The following TBC1D12 variants were observed in gnomAD, a reference collection of about 807,000 sequenced individuals.
TBC1D12 encodes the protein TBC1 domain family, member 12.
Under a neutral mutation model 86.7 loss-of-function variants are expected in TBC1D12, and 56 were observed. The observed-to-expected ratio is 0.65, with a 90% CI of 0.52 to 0.81. TBC1D12 has a LOEUF of 0.81. Ranked by LOEUF, TBC1D12 falls within the 30% of genes least tolerant of loss-of-function variation. The pLI, the probability that TBC1D12 is intolerant of heterozygous loss-of-function variation, is 0.00. For synonymous variants in TBC1D12, 421 were observed against 411.7 expected (o/e 1.02, Z -0.27); for missense variants, 1,023 against 1,038.8 (o/e 0.98, Z 0.21).
chr10:94,466,534 A>G (rs1477712974), intron 2 of TBC1D12, among the ~76,000 whole-genome samples: 2 of 152,092 alleles, frequency 1.3e-5, no homozygotes, highest in Admixed American at 6.6e-5. Flanking sequence ...CTTACTTTCA[A>G]TTGCTTTCCT....
At chr10:94,440,735 C>A (rs919752747) in intron 1 of TBC1D12, among the ~76,000 whole-genome samples, 1 of 151,930 alleles carries the variant, frequency 6.6e-6, no homozygotes, top group African/African-American at 2.4e-5. Flanking sequence ...TTCATCAGTA[C>A]CTTCCTAATT....
At chr10:94,475,564 G>A (rs575003497) in intron 3 of TBC1D12, among the ~76,000 whole-genome samples, 6 of 151,846 alleles carry the variant, frequency 4.0e-5, no homozygotes, top group South Asian at 2.1e-4. Context: ...CTGAGTAGCT[G>A]GGATTACAGA....
In TBC1D12 at chr10:94,498,854, G is replaced by A. The variant is rs542984012; in HGVS notation, c.1413-1367G>A. Reference sequence around the variant, plus strand: ...CGAGATCAAGGCTCACCGCAACCCCGACCTCCCTGGGCTCAGGTGATCCTC... The same window carrying A: ...CGAGATCAAGGCTCACCGCAACCCCAACCTCCCTGGGCTCAGGTGATCCTC... On this transcript the variant is annotated intron_variant, in intron 5 of 12. Coordinates refer to ENST00000225235, the MANE Select transcript of TBC1D12 (RefSeq NM_015188.2). 4.9e-4 allele frequency among the ~76,000 whole-genome samples: 74 copies of A among 151,368 alleles called. 1 individual carries two copies. The highest frequency in any genetic ancestry group is 1.6e-3 in the African/African-American group (65 of 41,240).
chr10:94,493,230 G>A, intron 3 of TBC1D12, 135 bp from the exon 4 acceptor site: 1 of 687,722 alleles, frequency 1.5e-6, no homozygotes, highest in South Asian at 1.8e-5. Flanking sequence ...GTTCTTTTCA[G>A]CCTTTCACTT....
At position 94,525,106 on chromosome 10, in the gene TBC1D12, T is replaced by C. The variant is rs144299399; in HGVS notation, c.2000+2653T>C. Among the ~76,000 whole-genome samples the C allele has an allele frequency of 1.3e-3, 203 of 152,290 alleles. 2 individuals are homozygous for C. Among genetic ancestry groups the C allele is most frequent in the African/African-American group, 4.6e-3 (191 of 41,572 alleles). On this transcript the variant is annotated intron_variant, in intron 11 of 12. Transcript: ENST00000225235. ...CCAGTTCCAGAAACCATATTCTTTA[T>C]AAAGTTAACTACAACATGACCAACA...
In TBC1D12 at chr10:94,447,068, A is replaced by AC. The variant is rs1019299458; in HGVS notation, c.1095+5049_1095+5050insC. ...AGCCTGAGCTGTTTCAAAAAAAAAAAAAAAAAAACCTTTTTTATGTATTAT... is the reference window on the plus strand; with the variant it reads ...AGCCTGAGCTGTTTCAAAAAAAAAAACAAAAAAAACCTTTTTTATGTATTAT... On this transcript the variant is annotated intron_variant, in intron 2 of 12. Transcript: ENST00000225235. 5.9e-5 allele frequency among the ~76,000 whole-genome samples: 9 copies of AC among 151,950 alleles called. No homozygotes were observed. The East Asian group carries it at 1.2e-3, about 20-fold the overall frequency.
At chr10:94,523,470 A>G (rs1281841414) in intron 11 of TBC1D12, among the ~76,000 whole-genome samples, 1 of 152,050 alleles carries the variant, frequency 6.6e-6, no homozygotes, top group Non-Finnish European at 1.5e-5. Context: ...TTTTTATTTC[A>G]AGGTTTTATC....
chr10:94,457,355 A>C (rs1245506731), intron 2 of TBC1D12, among the ~76,000 whole-genome samples: 1 of 152,104 alleles, frequency 6.6e-6, no homozygotes, highest in East Asian at 1.9e-4. Flanking sequence ...TGTAGGCAAC[A>C]CATGGCTGGG....
intron 2 of TBC1D12, among the ~76,000 whole-genome samples, chr10:94,464,849 G>T (rs2055783342): frequency 1.3e-5 from 2 of 152,150 alleles, no homozygotes; most frequent in South Asian, 4.1e-4. Flanking sequence ...AACAAGTAGT[G>T]GGGAGAGTGG....
chr10:94,490,173 A>AC (rs1300404678), intron 3 of TBC1D12, among the ~76,000 whole-genome samples: 3 of 151,944 alleles, frequency 2.0e-5, no homozygotes, highest in Non-Finnish European at 4.4e-5. Flanking sequence ...ATTGCTTGAA[A>AC]CCAACTGGGA....
chr10:94,403,162 C>A lies in TBC1D12; in HGVS notation c.549C>A (p.Asp183Glu). Residue 183 changes from aspartate (D) to glutamate (E), a missense_variant, in exon 1 of 13, where the codon GAC becomes GAA. Asp to Glu is a conservative substitution (Grantham distance 45). Around this residue, in one of 2 missense-constraint regions of TBC1D12, gnomAD observed 628 missense variants for 531.1 expected, o/e 1.18. Transcript: ENST00000225235. ...RLEGPGDEDA[D>E]GAGSPSDWAS... ...AGGGGCCTGGCGACGAGGACGCGGA[C>A]GGCGCGGGAAGCCCGTCCGATTGGG... 6.9e-7 allele frequency: 1 copy of A among 1,441,372 alleles called. No homozygotes were observed. Among genetic ancestry groups the A allele is most frequent in the Non-Finnish European group, 9.1e-7 (1 of 1,102,746 alleles). The allele number at this position is 1,441,372 out of a possible 1,614,324, so 89.3% of individuals were successfully genotyped here.
intron 2 of TBC1D12, among the ~76,000 whole-genome samples, chr10:94,452,325 C>A (rs1446368323): frequency 6.6e-6 from 1 of 152,028 alleles, no homozygotes; most frequent in Non-Finnish European, 1.5e-5. Flanking sequence ...CAGTATCATT[C>A]ATTCCCAGTG....
intron 1 of TBC1D12, among the ~76,000 whole-genome samples, chr10:94,420,262 A>T (rs1481935505): frequency 1.3e-5 from 2 of 151,872 alleles, no homozygotes; most frequent in Non-Finnish European, 2.9e-5. Context: ...AACAGAAGAG[A>T]CTCCTCACCA....
intron 3 of TBC1D12, among the ~76,000 whole-genome samples, chr10:94,477,721 C>T (rs892790593): frequency 5.3e-5 from 8 of 152,102 alleles, no homozygotes; most frequent in Admixed American, 2.0e-4. Context: ...GCCACTACTT[C>T]GACTATGAGG....
At chr10:94,456,649 T>C (rs1365546279) in intron 2 of TBC1D12, among the ~76,000 whole-genome samples, 1 of 152,218 alleles carries the variant, frequency 6.6e-6, no homozygotes, top group Non-Finnish European at 1.5e-5. Flanking sequence ...TCTGCTGTTG[T>C]TGGATGCGGT....
intron 9 of TBC1D12, among the ~76,000 whole-genome samples, chr10:94,511,968 G>A (rs2056533554): frequency 6.6e-6 from 1 of 152,146 alleles, no homozygotes; most frequent in South Asian, 2.1e-4. Context: ...TGCCTCTAGA[G>A]AGTAAACCTC....
intron 2 of TBC1D12, among the ~76,000 whole-genome samples, chr10:94,473,749 A>G (rs781134183): frequency 8.5e-5 from 13 of 152,274 alleles, no homozygotes; most frequent in Non-Finnish European, 1.8e-4. Flanking sequence ...CAAGCTGGTA[A>G]ATTTGGTATT....
chr10:94,414,298 GAAGGAAGTATAGTACGAGAAACTATT>G (rs2054968647), intron 1 of TBC1D12, among the ~76,000 whole-genome samples: 1 of 152,142 alleles, frequency 6.6e-6, no homozygotes, highest in Admixed American at 6.5e-5. Context: ...TGAGAGTTTG[GAAGGAAGTATAGTACGAGAAACTATT>G]AGAGAATGAG....
chr10:94,416,164 G>C lies in TBC1D12; in HGVS notation c.971+12580G>C, dbSNP rs184927442. Among the ~76,000 whole-genome samples the C allele has an allele frequency of 3.8e-3, 575 of 152,278 alleles. 2 individuals are homozygous for C. The highest frequency in any genetic ancestry group is 0.013 in the African/African-American group (552 of 41,538). ...GATCTGGGTTTCACCTGTGCTACTGGAAGAAAGGTTCTATCATGCATATCA... is the reference window on the plus strand; with the variant it reads ...GATCTGGGTTTCACCTGTGCTACTGCAAGAAAGGTTCTATCATGCATATCA... On this transcript the variant is annotated intron_variant, in intron 1 of 12. Coordinates refer to ENST00000225235, the MANE Select transcript of TBC1D12 (RefSeq NM_015188.2).
Sources: allele counts gnomAD v4.1 joint callset (sites outside exome capture counted in the v4.1 genomes callset), GRCh38; gene constraint gnomAD v4.1.1; regional missense constraint gnomAD v4.1.1; transcripts MANE v1.5; gene names NCBI Gene and HGNC (gene_info 2026-07-23, HGNC 2026-07-21).